The following RFX3 variants were observed in gnomAD, a reference collection of about 807,000 sequenced individuals.
RFX3 encodes the protein transcription factor RFX3.
A neutral mutation model predicts 98.6 loss-of-function variants in RFX3; 14 were observed. The ratio of observed to expected loss-of-function variants is 0.14; its 90% CI spans 0.09 to 0.22. The LOEUF (loss-of-function observed/expected upper bound fraction) is 0.22. RFX3 is among the 10% of genes least tolerant of loss of function. The pLI is 1.00. For synonymous variants in RFX3, 383 were observed against 328.4 expected (o/e 1.17, Z -1.80); for missense variants, 639 against 926.9 (o/e 0.69, Z 4.03).
At chr9:3,517,768 A>G (rs1818317235) in intron 1 of RFX3, among the ~76,000 whole-genome samples, 1 of 152,192 alleles carries the variant, frequency 6.6e-6, no homozygotes. Context: ...ACCACACTCA[A>G]ATTACATAGT....
At chr9:3,522,953 G>T (rs766458655) in intron 1 of RFX3, among the ~76,000 whole-genome samples, 80 of 152,034 alleles carry the variant, frequency 5.3e-4, no homozygotes, top group Non-Finnish European at 1.1e-3. Context: ...CCAAAGCAGA[G>T]TACAAGACTA....
intron 1 of RFX3, among the ~76,000 whole-genome samples, chr9:3,461,804 T>A (rs1339030731): frequency 6.6e-6 from 1 of 152,000 alleles, no homozygotes; most frequent in Non-Finnish European, 1.5e-5. Flanking sequence ...AATTTTAATT[T>A]GCATATCAAT....
chr9:3,329,407 C>CAAAAAAAAA (rs1202028884), intron 4 of RFX3, among the ~76,000 whole-genome samples: 13 of 38,084 alleles, frequency 3.4e-4, no homozygotes, highest in African/African-American at 6.6e-4. Flanking sequence ...GACTTCATCT[C>CAAAAAAAAA]AAAAAAAAAA....
intron 9 of RFX3, among the ~76,000 whole-genome samples, chr9:3,272,740 G>T (rs1272642563): frequency 6.6e-6 from 1 of 152,078 alleles, no homozygotes; most frequent in Non-Finnish European, 1.5e-5. Flanking sequence ...TGAGATTGCT[G>T]TAAGAACACT....
Position 3,490,352 on chromosome 9 carries a change from T to C in RFX3, c.-9+35395A>G, listed in dbSNP as rs538416466. ...GCCAGAATGACCAAGTGGCCTAAAA[T>C]ATTAAAAGCAAGAACAATTAGTTCA... On this transcript the variant is annotated intron_variant, in intron 1 of 16. Transcript: ENST00000617270. 1,792 of 978,216 alleles carry C rather than the reference T, an allele frequency of 1.8e-3. 3 individuals are homozygous for C. The highest frequency in any genetic ancestry group is 2.1e-3 in the Non-Finnish European group (1,749 of 823,574). The allele number at this position is 978,216 out of a possible 1,614,324, so 60.6% of individuals were successfully genotyped here. A position where few individuals can be genotyped will look rare whatever the true frequency, so the allele number is the denominator to read the frequency against.
chr9:3,298,512 G>A (rs1828268529), intron 5 of RFX3, among the ~76,000 whole-genome samples: 1 of 151,740 alleles, frequency 6.6e-6, no homozygotes, highest in Non-Finnish European at 1.5e-5. Flanking sequence ...TATCTACTAT[G>A]TACCAGGCAC....
At chr9:3,380,966 G>A (rs948264632) in intron 2 of RFX3, among the ~76,000 whole-genome samples, 4 of 151,760 alleles carry the variant, frequency 2.6e-5, no homozygotes, top group Admixed American at 6.6e-5. Context: ...TCTCTGATGC[G>A]CTGTTGCTTT....
chr9:3,400,196 T>G (rs918632296), intron 1 of RFX3: 1 of 976,712 alleles, frequency 1.0e-6, no homozygotes, highest in East Asian at 1.1e-4. Context: ...ATACAGACGC[T>G]GCACAAAGAC....
chr9:3,439,363 T>C (rs1199625301), intron 1 of RFX3, among the ~76,000 whole-genome samples: 1 of 151,570 alleles, frequency 6.6e-6, no homozygotes, highest in Non-Finnish European at 1.5e-5. Flanking sequence ...TAGAAAAAAA[T>C]CAGTGAAAAC....
chr9:3,338,017 G>A (rs1056783336), intron 3 of RFX3, among the ~76,000 whole-genome samples: 1 of 152,108 alleles, frequency 6.6e-6, no homozygotes, highest in African/African-American at 2.4e-5. Flanking sequence ...ATATTCTCAA[G>A]ACTGAATATC....
chr9:3,292,942 T>C (rs1827575215), intron 6 of RFX3, 135 bp downstream of exon 6: 1 of 592,864 alleles, frequency 1.7e-6, no homozygotes, highest in Admixed American at 3.7e-5. Context: ...TTCCTGGGGA[T>C]GTTATAAACT....
intron 1 of RFX3, among the ~76,000 whole-genome samples, chr9:3,517,588 T>G (rs2133895185): frequency 6.6e-6 from 1 of 152,346 alleles, no homozygotes; most frequent in Admixed American, 6.5e-5. Context: ...AGCTGGGTAT[T>G]ACTGCTTCTA....
intron 15 of RFX3, among the ~76,000 whole-genome samples, chr9:3,231,333 G>A (rs1818415633): frequency 1.3e-5 from 2 of 152,158 alleles, no homozygotes; most frequent in Non-Finnish European, 2.9e-5. Flanking sequence ...GACAACAGAT[G>A]TAAAGTTACA....
At chr9:3,299,507 A>G in intron 5 of RFX3, among the ~76,000 whole-genome samples, 1 of 151,860 alleles carries the variant, frequency 6.6e-6, no homozygotes, top group South Asian at 2.1e-4. Flanking sequence ...CTGTGCCTCA[A>G]GGTGTAATAA....
chr9:3,286,316 T>C (rs574441815), intron 7 of RFX3, among the ~76,000 whole-genome samples: 1 of 151,824 alleles, frequency 6.6e-6, no homozygotes, highest in Non-Finnish European at 1.5e-5. Context: ...TCCAACTCTA[T>C]GAGGTACTAT....
At chr9:3,338,426 T>C (rs1833454634) in intron 3 of RFX3, among the ~76,000 whole-genome samples, 1 of 152,260 alleles carries the variant, frequency 6.6e-6, no homozygotes. Flanking sequence ...TTTTCATTAC[T>C]ATGTATGTTG....
intron 5 of RFX3, among the ~76,000 whole-genome samples, chr9:3,295,718 G>C (rs73642629): frequency 1.0e-3 from 152 of 152,142 alleles, no homozygotes; most frequent in African/African-American, 3.1e-3. Context: ...ATAATAGCAT[G>C]ATTTGTTCTG....
intron 2 of RFX3, among the ~76,000 whole-genome samples, chr9:3,392,846 G>C (rs1840453051): frequency 6.6e-6 from 1 of 152,042 alleles, no homozygotes; most frequent in Non-Finnish European, 1.5e-5. Context: ...AAATAAATGA[G>C]TTTTACAGGA....
intron 1 of RFX3, among the ~76,000 whole-genome samples, chr9:3,424,146 C>G (rs1286081311): frequency 7.7e-5 from 11 of 141,998 alleles, no homozygotes; most frequent in Non-Finnish European, 1.7e-4. Context: ...GACTCCTTCT[C>G]AAAAAAAAAA....
Sources: gnomAD v4.1 joint callset for allele counts (sites outside exome capture counted in the v4.1 genomes callset) on GRCh38, gnomAD v4.1.1 for gene constraint, MANE v1.5 for transcripts, NCBI Gene and HGNC (gene_info 2026-07-23, HGNC 2026-07-21) for gene names.